Variants in TRIM2 observed in about 807,000 individuals in gnomAD.
The protein encoded by TRIM2 is tripartite motif containing 2.
Under a neutral mutation model 75.2 loss-of-function variants are expected in TRIM2, and 20 were observed. The observed-to-expected ratio is 0.27, with a 90% CI of 0.19 to 0.39. TRIM2 has a LOEUF of 0.39. Ranked by LOEUF, TRIM2 falls within the 10% of genes least tolerant of loss-of-function variation. The pLI, the probability that TRIM2 is intolerant of heterozygous loss-of-function variation, is 1.00. For missense variants in TRIM2, 660 were observed against 990.8 expected, an observed-to-expected ratio of 0.67 and a Z score of 4.48; for synonymous variants, 373 against 388.3, an observed-to-expected ratio of 0.96 and a Z score of 0.46.
intron 1 of TRIM2, among the ~76,000 whole-genome samples, chr4:153,184,206 AT>A (rs1732358856): frequency 6.6e-6 from 1 of 151,894 alleles, no homozygotes; most frequent in African/African-American, 2.4e-5. Context: ...ACAGAAATTT[AT>A]TTTCTCACAG....
At chr4:153,265,703 CA>C (rs1299571310) in intron 1 of TRIM2, 7 of 152,152 alleles carry the variant, frequency 4.6e-5, no homozygotes, top group African/African-American at 1.7e-4. Context: ...CATTCTTGCT[CA>C]GGGGCAATAT....
chr4:153,298,682 T>C (rs936988281), intron 6 of TRIM2, among the ~76,000 whole-genome samples: 1 of 152,194 alleles, frequency 6.6e-6, no homozygotes. Context: ...AATTTTTTTA[T>C]AGAGAACACT....
At chr4:153,303,650 G>A (rs964890276) in intron 6 of TRIM2, among the ~76,000 whole-genome samples, 16 of 152,180 alleles carry the variant, frequency 1.1e-4, no homozygotes, top group African/African-American at 3.9e-4. Context: ...AGATGGCAAT[G>A]GTGATTCTGC....
At position 153,168,323 on chromosome 4, in the gene TRIM2, G is replaced by A. The variant is rs567669766; in HGVS notation, c.-49+15053G>A. Reference sequence around the variant, plus strand: ...AAATAAATAATAAATTACATAAATTGTTTTGTTTTAATAGGCACTGTTTTG... The same window carrying A: ...AAATAAATAATAAATTACATAAATTATTTTGTTTTAATAGGCACTGTTTTG... On this transcript the variant is annotated intron_variant, in intron 1 of 11. Transcript: ENST00000437508. 2.6e-5 allele frequency among the ~76,000 whole-genome samples: 4 copies of A among 152,204 alleles called. No homozygotes were observed. The South Asian group carries it at 8.3e-4, about 32-fold the overall frequency.
At chr4:153,277,732 A>G (rs1241456237) in intron 3 of TRIM2, among the ~76,000 whole-genome samples, 2 of 152,236 alleles carry the variant, frequency 1.3e-5, no homozygotes, top group African/African-American at 4.8e-5. Context: ...CTGGTAGCCA[A>G]AACAAGAGAA....
chr4:153,322,561 A>T, intron 8 of TRIM2, 87 bp from the exon 9 acceptor site: 1 of 1,450,822 alleles, frequency 6.9e-7, no homozygotes, highest in East Asian at 2.4e-5. Context: ...GTAAATGTTG[A>T]CCAAAACAGT....
Position 153,295,596 on chromosome 4 carries a change from C to T in TRIM2, c.1070C>T (p.Ala357Val). The change falls in exon 6 of 12, where the codon GCC (alanine) becomes GTC (valine). Residue 357 changes from alanine to valine, a missense_variant. Around this residue, in one of 2 missense-constraint regions of TRIM2, gnomAD observed 620 missense variants for 891.0 expected, o/e 0.70. Coordinates refer to ENST00000338700, the MANE Select transcript of TRIM2 (RefSeq NM_015271.5). The surrounding 1 kb of genome is among the most constrained non-coding windows in gnomAD (Gnocchi z 7.2). ...AACGCCGTTGCCTCAGAGACAGTGG[C>T]CACGGGCGAGGGGCTGCGGCAGACC... The part of the protein sequence containing the change: ...TTNAVASETV[A>V]TGEGLRQTII... 1 of 1,613,966 alleles carries T rather than the reference C, an allele frequency of 6.2e-7. No homozygotes were observed. The highest frequency in any genetic ancestry group is 8.5e-7 in the Non-Finnish European group (1 of 1,179,960).
chr4:153,334,995 G>A lies in TRIM2; in HGVS notation c.*29G>A. Reference sequence around the variant, plus strand: ...TGGGCAGGTGGATACCCGCTTCCATGGTCTTGCACTATAAACTGGAATGGA... The same window carrying A: ...TGGGCAGGTGGATACCCGCTTCCATAGTCTTGCACTATAAACTGGAATGGA... On this transcript the variant is annotated 3_prime_UTR_variant, in exon 12 of 12. Transcript: ENST00000338700. 1 of 1,575,686 alleles carries A rather than the reference G, an allele frequency of 6.3e-7. No individual in the cohort carries two copies. The highest frequency in any genetic ancestry group is 8.7e-7 in the Non-Finnish European group (1 of 1,155,458).
intron 1 of TRIM2, chr4:153,257,524 C>T: frequency 7.8e-7 from 1 of 1,278,346 alleles, no homozygotes. Flanking sequence ...CCATTTTTCT[C>T]TTCCTCTGTT....
At chr4:153,159,296 C>CTTT (rs11318531) in intron 1 of TRIM2, among the ~76,000 whole-genome samples, 2,420 of 89,212 alleles carry the variant, frequency 0.027, 153 homozygotes, top group South Asian at 0.037. Flanking sequence ...TTTACAAAAT[C>CTTT]TTTTTTTTTT....
chr4:153,241,831 C>T (rs753822121), intron 1 of TRIM2, among the ~76,000 whole-genome samples: 9 of 152,142 alleles, frequency 5.9e-5, no homozygotes, highest in South Asian at 2.1e-4. Context: ...AGAGGCCACA[C>T]GTATGCCGGA....
At chr4:153,318,172 G>A (rs1343822458) in intron 8 of TRIM2, among the ~76,000 whole-genome samples, 3 of 152,224 alleles carry the variant, frequency 2.0e-5, no homozygotes, top group Non-Finnish European at 4.4e-5. Context: ...TAGGAGTTTG[G>A]AGATGCTGCT....
intron 1 of TRIM2, among the ~76,000 whole-genome samples, chr4:153,235,949 C>T (rs1009319645): frequency 3.9e-5 from 6 of 152,114 alleles, no homozygotes; most frequent in Admixed American, 3.9e-4. Flanking sequence ...TTCTAAGTCT[C>T]CTGAGGGCTC....
chr4:153,273,075 G>T (rs1447790737), intron 2 of TRIM2, among the ~76,000 whole-genome samples: 2 of 151,706 alleles, frequency 1.3e-5, no homozygotes, highest in Non-Finnish European at 2.9e-5. Context: ...TTGACCTCGT[G>T]ATCTGCCCAT....
At chr4:153,328,694 T>G in intron 11 of TRIM2, 24 bp downstream of exon 11, 1 of 1,550,486 alleles carries the variant, frequency 6.4e-7, no homozygotes, top group Non-Finnish European at 8.7e-7. Flanking sequence ...CTAATGTATA[T>G]GGTTAGAGTG....
intron 3 of TRIM2, among the ~76,000 whole-genome samples, chr4:153,281,969 T>C (rs1298351906): frequency 6.6e-6 from 1 of 152,214 alleles, no homozygotes. Context: ...TCCACTTCCA[T>C]ATCAGGATCA....
chr4:153,187,879 G>A (rs568222039), intron 1 of TRIM2, among the ~76,000 whole-genome samples: 32 of 152,302 alleles, frequency 2.1e-4, no homozygotes, highest in African/African-American at 7.0e-4. Context: ...AGCTTCAGAC[G>A]TCCGCCAAGT....
At chr4:153,197,457 C>T (rs371312834) in intron 1 of TRIM2, among the ~76,000 whole-genome samples, 2 of 152,142 alleles carry the variant, frequency 1.3e-5, no homozygotes, top group Non-Finnish European at 2.9e-5. Flanking sequence ...GCTATGGACT[C>T]GATGTTTGTG....
intron 11 of TRIM2, among the ~76,000 whole-genome samples, chr4:153,332,726 T>A (rs1162620915): frequency 6.6e-6 from 1 of 151,440 alleles, no homozygotes; most frequent in Admixed American, 6.6e-5. Flanking sequence ...AGATGTGCAA[T>A]ATCACTAGAC....
Sources: gnomAD v4.1 joint callset for allele counts (sites outside exome capture counted in the v4.1 genomes callset) on GRCh38, gnomAD v4.1.1 for gene constraint, gnomAD v4.1.1 regional missense constraint, Gnocchi (gnomAD v3.1) non-coding constraint, MANE v1.5 for transcripts, NCBI Gene and HGNC (gene_info 2026-07-23, HGNC 2026-07-21) for gene names.